Variants in TDG observed in about 807,000 individuals in gnomAD.
TDG encodes G/T mismatch-specific thymine DNA glycosylase.
TDG carries 23 observed loss-of-function variants against 46.1 expected under a neutral mutation model. The ratio of observed to expected loss-of-function variants is 0.50; its 90% CI spans 0.36 to 0.71. The LOEUF (loss-of-function observed/expected upper bound fraction) is 0.71, where lower values mean the gene tolerates loss of function less well. Ranked by LOEUF, TDG falls within the 30% of genes least tolerant of loss-of-function variation. The probability of loss-of-function intolerance (pLI) is 0.00; values close to 1 mark genes in which losing one functional copy is unlikely to be tolerated. For missense variants in TDG, 304 were observed against 486.7 expected (o/e 0.62, Z 3.53); for synonymous variants, 115 against 161.3 (o/e 0.71, Z 2.18).
intron 1 of TDG, 117 bp downstream of exon 1, chr12:103,966,177 G>A (rs1871006990): frequency 3.8e-6 from 5 of 1,315,218 alleles, no homozygotes; most frequent in African/African-American, 1.6e-5. Flanking sequence ...CAAAGGCCGG[G>A]GCCGCGCGTG....
chr12:103,971,587 AC>A (rs1871285390), intron 1 of TDG, among the ~76,000 whole-genome samples: 1 of 152,052 alleles, frequency 6.6e-6, no homozygotes, highest in Non-Finnish European at 1.5e-5. Context: ...CAACAGAAAA[AC>A]AATCTATGAG....
chr12:103,975,429 T>A (rs1323818238), intron 1 of TDG, among the ~76,000 whole-genome samples: 1 of 152,226 alleles, frequency 6.6e-6, no homozygotes, highest in Admixed American at 6.5e-5. Flanking sequence ...AGAGGTTTTT[T>A]TGGCTCCTAC....
chr12:103,976,704 G>A (rs1871562359), intron 1 of TDG, among the ~76,000 whole-genome samples: 1 of 152,156 alleles, frequency 6.6e-6, no homozygotes, highest in South Asian at 2.1e-4. Context: ...TTTAAACAGT[G>A]CAAGAGTTAA....
intron 3 of TDG, chr12:103,980,362 A>AC (rs1450602799): frequency 8.8e-6 from 3 of 339,642 alleles, no homozygotes; most frequent in African/African-American, 2.2e-5. Flanking sequence ...TGATAATACC[A>AC]CCCCCCGATA....
chr12:103,972,474 A>G (rs567369262), intron 1 of TDG, among the ~76,000 whole-genome samples: 1 of 152,280 alleles, frequency 6.6e-6, no homozygotes, highest in African/African-American at 2.4e-5. Context: ...TTTTGTGTAG[A>G]TGTAATGCTT....
chr12:103,966,024 A>C lies in TDG; in HGVS notation c.-14A>C. On this transcript the variant is annotated 5_prime_UTR_variant, in exon 1 of 10. Coordinates refer to ENST00000392872, the MANE Select transcript of TDG (RefSeq NM_003211.6). ...CCCGGCAGGTGGAGCCGCCCGCATCAGCGGCCTCGGGGAATGGAAGCGGAG... is the reference window on the plus strand; with the variant it reads ...CCCGGCAGGTGGAGCCGCCCGCATCCGCGGCCTCGGGGAATGGAAGCGGAG... The C allele has an allele frequency of 6.3e-7, 1 of 1,596,388 alleles. No homozygotes were observed. The highest frequency in any genetic ancestry group is 8.5e-7 in the Non-Finnish European group (1 of 1,172,204).
At chr12:103,977,144 C>G (rs935992408) in intron 2 of TDG, 84 bp downstream of exon 2, 1 of 1,531,642 alleles carries the variant, frequency 6.5e-7, no homozygotes, top group Non-Finnish European at 8.8e-7. Flanking sequence ...AATTTTAGCT[C>G]TATTTTAGTG....
At position 103,984,848 on chromosome 12, in the gene TDG, C is replaced by T; in HGVS notation, c.892C>T (p.Gln298Ter). Residue 298 changes from glutamine (Q) to a stop codon, truncating the protein, a stop_gained, in exon 8 of 10, where the codon CAG becomes TAG. Coordinates refer to ENST00000392872, the MANE Select transcript of TDG (RefSeq NM_003211.6). LOFTEE classifies it high-confidence loss of function. Reference protein sequence around the residue: ...YYIKLKDLRDQLKGIERNMDV... With the variant: ...YYIKLKDLRD ...CATAAAACTGAAGGACTTAAGAGAT[C>T]AGTTGAAAGGCATTGAACGAAATAT... The T allele has an allele frequency of 1.9e-6, 3 of 1,613,646 alleles. No homozygotes were observed. The highest frequency in any genetic ancestry group is 2.5e-6 in the Non-Finnish European group (3 of 1,179,620).
chr12:103,966,103 T>A (rs775681707), intron 1 of TDG, 43 bp downstream of exon 1: 1 of 1,506,794 alleles, frequency 6.6e-7, no homozygotes, highest in East Asian at 2.5e-5. Context: ...CGCCCCTCAC[T>A]GCTGGGCAGG....
intron 9 of TDG, 147 bp from the exon 10 acceptor site, chr12:103,986,801 C>A: frequency 1.3e-6 from 1 of 773,334 alleles, no homozygotes; most frequent in Non-Finnish European, 2.0e-6. Flanking sequence ...GGGAGGATCA[C>A]TCAAGCCCAG....
intron 9 of TDG, chr12:103,986,176 C>T (rs1475825881): frequency 6.6e-6 from 1 of 152,518 alleles, no homozygotes; most frequent in Admixed American, 6.5e-5. Context: ...CCACCTTGGC[C>T]TCCAAAAGTG....
intron 1 of TDG, among the ~76,000 whole-genome samples, chr12:103,967,218 G>A (rs1871081241): frequency 6.6e-6 from 1 of 152,114 alleles, no homozygotes; most frequent in Non-Finnish European, 1.5e-5. Flanking sequence ...AAAATAGTAG[G>A]ACTTCAATAC....
Position 103,971,109 on chromosome 12 carries a change from C to G in TDG, c.23+5049C>G, listed in dbSNP as rs1214440743. 2.0e-5 allele frequency among the ~76,000 whole-genome samples: 3 copies of G among 152,226 alleles called. No homozygotes were observed. In the East Asian group the frequency reaches 5.8e-4, roughly 29 times the overall value. On this transcript the variant is annotated intron_variant, in intron 1 of 9. Transcript: ENST00000392872. Reference sequence around the variant, plus strand: ...ATACAAATACTATGCCATTTTATATCAAGCGACTTGAGCATCCTTAGATAT... The same window carrying G: ...ATACAAATACTATGCCATTTTATATGAAGCGACTTGAGCATCCTTAGATAT...
At chr12:103,966,137 G>A in intron 1 of TDG, 77 bp downstream of exon 1, 2 of 1,405,622 alleles carry the variant, frequency 1.4e-6, no homozygotes, top group Non-Finnish European at 9.3e-7. Context: ...GCGCGCGCAC[G>A]CAGGGGTCTT....
chr12:103,987,136 G>A lies in TDG; in HGVS notation c.*46G>A. 1 of 1,597,890 alleles carries A rather than the reference G, an allele frequency of 6.3e-7. No individual in the cohort carries two copies. The highest frequency in any genetic ancestry group is 1.1e-5 in the South Asian group (1 of 90,540). ...GCTTAAATGCTGCAGTTTTAATGCA[G>A]TTGTCAACAAGTAGAACCTCAGTTT... On this transcript the variant is annotated 3_prime_UTR_variant, in exon 10 of 10. Transcript: ENST00000392872.
chr12:103,972,712 A>G (rs1461552592), intron 1 of TDG, among the ~76,000 whole-genome samples: 1 of 152,196 alleles, frequency 6.6e-6, no homozygotes, highest in Non-Finnish European at 1.5e-5. Flanking sequence ...ATTATTATAG[A>G]TAAGTTTCTA....
intron 8 of TDG, among the ~76,000 whole-genome samples, chr12:103,985,176 C>T (rs1028784610): frequency 2.9e-3 from 275 of 96,222 alleles, no homozygotes; most frequent in African/African-American, 7.3e-3. Context: ...TACACACACA[C>T]ACACACACAC....
chr12:103,982,790 A>G lies in TDG; in HGVS notation c.479-9A>G. On this transcript the variant is annotated splice_polypyrimidine_tract_variant and intron_variant, in intron 4 of 9. Coordinates refer to ENST00000392872, the MANE Select transcript of TDG (RefSeq NM_003211.6). ...AAAAAAAATAAATAACTGAATTTTC[A>G]TTTTACAGGGAAGTGTTTGTTTATG... is the stretch of plus-strand genomic sequence containing the variant. The G allele has an allele frequency of 1.2e-6, 2 of 1,611,426 alleles. No individual in the cohort carries two copies. Among genetic ancestry groups the G allele is most frequent in the Non-Finnish European group, 1.7e-6 (2 of 1,179,620 alleles).
chr12:103,968,184 A>G (rs1871140175), intron 1 of TDG, among the ~76,000 whole-genome samples: 1 of 152,168 alleles, frequency 6.6e-6, no homozygotes, highest in African/African-American at 2.4e-5. Context: ...ACAGTCAATC[A>G]ACCAGAGAGG....
Sources: gnomAD v4.1 joint callset for allele counts (sites outside exome capture counted in the v4.1 genomes callset) on GRCh38, gnomAD v4.1.1 for gene constraint, MANE v1.5 for transcripts, NCBI Gene and HGNC (gene_info 2026-07-23, HGNC 2026-07-21) for gene names.